The following SOD2 variants were observed in gnomAD, a reference collection of about 807,000 sequenced individuals.
The protein encoded by SOD2 is superoxide dismutase [Mn], mitochondrial.
A neutral mutation model predicts 27.0 loss-of-function variants in SOD2; 11 were observed. That is an observed-to-expected ratio of 0.41 (90% CI 0.26 to 0.67). The LOEUF is 0.67. SOD2 is among the 30% of genes least tolerant of loss of function. SOD2 has a pLI of 0.34. For missense variants in SOD2, 250 were observed against 274.5 expected, an observed-to-expected ratio of 0.91 and a Z score of 0.63; for synonymous variants, 105 against 103.0, an observed-to-expected ratio of 1.02 and a Z score of -0.12.
upstream of SOD2, among the ~76,000 whole-genome samples, chr6:159,732,049 G>T (rs1778604470): frequency 6.6e-6 from 1 of 152,074 alleles, no homozygotes; most frequent in Non-Finnish European, 1.5e-5. Flanking sequence ...CCAAAATCCT[G>T]GCATAGGAAT....
chr6:159,727,114 G>T, intron 1 of SOD2: 1 of 1,193,520 alleles, frequency 8.4e-7, no homozygotes, highest in Non-Finnish European at 1.1e-6. Context: ...CCCTCCCCTC[G>T]GCCGCTTCCC....
At chr6:159,733,023 TAGA>T (rs1269961621) in intron 1 of SOD2, among the ~76,000 whole-genome samples, 2 of 151,996 alleles carry the variant, frequency 1.3e-5, no homozygotes, top group African/African-American at 4.8e-5. Context: ...CATGCTAAAA[TAGA>T]AGTAGTTAGA....
At chr6:159,748,361 G>T (rs1346483517), upstream of SOD2, 3 of 1,613,510 alleles carry the variant, frequency 1.9e-6, no homozygotes, top group Non-Finnish European at 2.5e-6. This position sits in a 1 kb window ranked among gnomAD's most constrained non-coding sequence, Gnocchi z 5.6. Flanking sequence ...GGAAGTTTAC[G>T]CCTGATAGGT....
intron 1 of SOD2, chr6:159,713,867 C>A (rs1228535284): frequency 1.0e-5 from 11 of 1,052,744 alleles, no homozygotes; most frequent in Non-Finnish European, 1.4e-5. Flanking sequence ...GAAACAAATA[C>A]CTGATGTGCC....
chr6:159,752,384 A>T (rs1445423463), intron 1 of SOD2, among the ~76,000 whole-genome samples: 1 of 152,170 alleles, frequency 6.6e-6, no homozygotes, highest in African/African-American at 2.4e-5. Context: ...TAATTACAAG[A>T]ACAAGCAAAT....
intron 1 of SOD2, among the ~76,000 whole-genome samples, chr6:159,751,187 A>AT (rs1294370711): frequency 1.3e-5 from 2 of 152,180 alleles, no homozygotes; most frequent in Non-Finnish European, 2.9e-5. Flanking sequence ...GTTAAAATTT[A>AT]TTTTACTAAT....
chr6:159,722,662 TGA>T (rs1390857275), intron 1 of SOD2, among the ~76,000 whole-genome samples: 3 of 152,170 alleles, frequency 2.0e-5, no homozygotes, highest in East Asian at 1.9e-4. Context: ...AATTTATTTT[TGA>T]GAGACTGAAA....
intron 2 of SOD2, chr6:159,691,205 T>G (rs1777176215): frequency 6.6e-6 from 1 of 152,202 alleles, no homozygotes; most frequent in African/African-American, 2.4e-5. Flanking sequence ...AGGTTCCTGG[T>G]GTCAGATGTT....
chr6:159,712,892 A>AC (rs1202952769), intron 1 of SOD2: 4 of 634,184 alleles, frequency 6.3e-6, no homozygotes, highest in Non-Finnish European at 1.2e-5. Context: ...GTGTTCATAA[A>AC]CCCCCCTACT....
At chr6:159,727,406 A>AGGCGGGAGGCGG (rs761734374), upstream of SOD2, 8 of 501,492 alleles carry the variant, frequency 1.6e-5, no homozygotes, top group African/African-American at 2.5e-4. Context: ...GGCGGGAGGC[A>AGGCGGGAGGCGG]GTGGCGCTGG....
intron 1 of SOD2, among the ~76,000 whole-genome samples, chr6:159,698,938 T>TGGGGGGG (rs543092346): frequency 1.2e-5 from 1 of 84,880 alleles, no homozygotes; most frequent in African/African-American, 4.8e-5. Context: ...GTCTGGGGGG[T>TGGGGGGG]GGGGGGCGGG....
intron 1 of SOD2, chr6:159,727,074 T>G: frequency 8.3e-7 from 1 of 1,207,428 alleles, no homozygotes; most frequent in Non-Finnish European, 1.1e-6. Context: ...CGTGATGCCC[T>G]GGGGCTGACC....
chr6:159,683,932 G>C (rs1025819462), intron 4 of SOD2, among the ~76,000 whole-genome samples: 1 of 152,192 alleles, frequency 6.6e-6, no homozygotes, highest in African/African-American at 2.4e-5. Flanking sequence ...AATGACTGTT[G>C]TTGATGTGAA....
chr6:159,761,956 T>G (rs1583119589), exon 1 of SOD2: 2 of 1,028,664 alleles, frequency 1.9e-6, no homozygotes, highest in Non-Finnish European at 2.9e-6. Flanking sequence ...CGCGGGGAGG[T>G]GGTGCGCGGG....
At chr6:159,738,233 T>C (rs1779039131) in intron 1 of SOD2, among the ~76,000 whole-genome samples, 1 of 152,228 alleles carries the variant, frequency 6.6e-6, no homozygotes, top group African/African-American at 2.4e-5. Flanking sequence ...TATAGCCACA[T>C]CTACCCCGTC....
At chr6:159,713,466 C>A (rs1777868258) in intron 1 of SOD2, 1 of 661,718 alleles carries the variant, frequency 1.5e-6, no homozygotes. Context: ...TGTACCTGTG[C>A]CCTATTCTTT....
chr6:159,701,876 TCC>T (rs1356336469), intron 1 of SOD2, among the ~76,000 whole-genome samples: 1 of 152,106 alleles, frequency 6.6e-6, no homozygotes, highest in Non-Finnish European at 1.5e-5. Flanking sequence ...CTGTGCTCAT[TCC>T]CCTTCTTGCC....
At chr6:159,694,299 A>G (rs1010348484), upstream of SOD2, among the ~76,000 whole-genome samples, 1 of 152,214 alleles carries the variant, frequency 6.6e-6, no homozygotes, top group African/African-American at 2.4e-5. Flanking sequence ...GGAAATCTAC[A>G]CTGCCATTGG....
intron 1 of SOD2, among the ~76,000 whole-genome samples, chr6:159,758,598 C>A (rs1029063773): frequency 4.8e-4 from 73 of 152,160 alleles, no homozygotes; most frequent in Admixed American, 4.7e-3. Context: ...TTCACCTATC[C>A]CTGTGGTTAT....
Sources: gnomAD v4.1 joint callset for allele counts (sites outside exome capture counted in the v4.1 genomes callset) on GRCh38, gnomAD v4.1.1 for gene constraint, Gnocchi (gnomAD v3.1) non-coding constraint, MANE v1.5 for transcripts, NCBI Gene and HGNC (gene_info 2026-07-23, HGNC 2026-07-21) for gene names.